Variants in RNF150 observed in about 807,000 individuals in gnomAD.
RNF150 encodes ring finger protein 150.
RNF150 carries 24 observed loss-of-function variants against 39.3 expected under a neutral mutation model. That is an observed-to-expected ratio of 0.61 (90% CI 0.44 to 0.86). The LOEUF (loss-of-function observed/expected upper bound fraction) is 0.86. Ranked by LOEUF, RNF150 falls within the 40% of genes least tolerant of loss-of-function variation. The probability of loss-of-function intolerance (pLI) is 0.00; values close to 1 mark genes in which losing one functional copy is unlikely to be tolerated. For missense variants in RNF150, 502 were observed against 587.8 expected (o/e 0.85, Z 1.51); for synonymous variants, 255 against 227.3 (o/e 1.12, Z -1.10).
At chr4:141,129,370 CATATT>C (rs1442698017) in intron 1 of RNF150, among the ~76,000 whole-genome samples, 1 of 152,130 alleles carries the variant, frequency 6.6e-6, no homozygotes, top group African/African-American at 2.4e-5. Flanking sequence ...CAGAAGTCCA[CATATT>C]ATATGATTCC....
chr4:141,053,166 A>C (rs760502737), intron 1 of RNF150, among the ~76,000 whole-genome samples: 15 of 152,230 alleles, frequency 9.9e-5, no homozygotes, highest in Non-Finnish European at 1.5e-4. Context: ...AGCACTTGGC[A>C]TCTCTCCATT....
chr4:141,080,591 T>A (rs59849151), intron 1 of RNF150, among the ~76,000 whole-genome samples: 2 of 152,182 alleles, frequency 1.3e-5, no homozygotes, highest in Non-Finnish European at 2.9e-5. Context: ...TCCATTCCTG[T>A]GAAAAATCAA....
intron 1 of RNF150, among the ~76,000 whole-genome samples, chr4:141,054,953 T>G (rs1398669559): frequency 6.6e-6 from 1 of 152,180 alleles, no homozygotes; most frequent in Non-Finnish European, 1.5e-5. Context: ...GGCAGCATTT[T>G]GTAAAATGCC....
chr4:141,034,263 GC>G (rs1395213596), intron 1 of RNF150, among the ~76,000 whole-genome samples: 1 of 152,084 alleles, frequency 6.6e-6, no homozygotes, highest in African/African-American at 2.4e-5. Context: ...TCATGAACTA[GC>G]CTCTGCTAGC....
intron 1 of RNF150, among the ~76,000 whole-genome samples, chr4:141,171,201 C>G (rs960981388): frequency 2.0e-5 from 3 of 152,130 alleles, no homozygotes; most frequent in South Asian, 4.1e-4. Flanking sequence ...TACCTTTCCT[C>G]GCCAGCCCAC....
intron 6 of RNF150, among the ~76,000 whole-genome samples, chr4:140,888,949 T>C (rs12640427): frequency 7.8e-4 from 119 of 152,252 alleles, no homozygotes; most frequent in African/African-American, 2.7e-3. Flanking sequence ...ACGAAGGAGA[T>C]AGATAAGAAA....
intron 1 of RNF150, among the ~76,000 whole-genome samples, chr4:141,043,542 G>A (rs1736450552): frequency 6.6e-6 from 1 of 152,072 alleles, no homozygotes; most frequent in Non-Finnish European, 1.5e-5. Flanking sequence ...TCTATATAGG[G>A]AGACTAAAAA....
intron 1 of RNF150, among the ~76,000 whole-genome samples, chr4:141,125,676 C>T (rs1422402588): frequency 6.6e-6 from 1 of 152,164 alleles, no homozygotes; most frequent in Non-Finnish European, 1.5e-5. Context: ...AAATTAACTT[C>T]ATATCAGAGG....
At chr4:141,062,268 ATGTC>A (rs1287310622) in intron 1 of RNF150, among the ~76,000 whole-genome samples, 3 of 152,010 alleles carry the variant, frequency 2.0e-5, no homozygotes, top group African/African-American at 7.3e-5. Context: ...TCTTTGTTTT[ATGTC>A]TGTATTATAC....
intron 1 of RNF150, among the ~76,000 whole-genome samples, chr4:141,177,054 GAAAAAAAA>G (rs5862514): frequency 1.8e-5 from 2 of 111,700 alleles, no homozygotes; most frequent in Non-Finnish European, 3.6e-5. Context: ...TGTCTCCTAG[GAAAAAAAA>G]AAAAAAAAAA....
intron 1 of RNF150, among the ~76,000 whole-genome samples, chr4:141,003,173 A>G (rs1734730619): frequency 1.3e-5 from 2 of 152,136 alleles, no homozygotes; most frequent in African/African-American, 4.8e-5. Flanking sequence ...TGAATAAAGA[A>G]TTGAATTTTA....
At chr4:140,885,435 C>CTTT (rs1309319458) in intron 6 of RNF150, among the ~76,000 whole-genome samples, 3 of 114,366 alleles carry the variant, frequency 2.6e-5, no homozygotes, top group East Asian at 2.4e-4. Flanking sequence ...GTACATATAT[C>CTTT]TTTTTTTTTT....
At chr4:140,873,193 A>G (rs975354168) in intron 6 of RNF150, among the ~76,000 whole-genome samples, 3 of 152,212 alleles carry the variant, frequency 2.0e-5, no homozygotes, top group African/African-American at 7.2e-5. Context: ...TCTTCGAAAA[A>G]GGAAGATACG....
chr4:140,974,391 C>G (rs1231147579), intron 1 of RNF150, among the ~76,000 whole-genome samples: 2 of 152,178 alleles, frequency 1.3e-5, no homozygotes, highest in Non-Finnish European at 2.9e-5. Flanking sequence ...TGGTACACCA[C>G]AGTTTAATTA....
chr4:141,182,712 T>C (rs1199667163), intron 1 of RNF150, among the ~76,000 whole-genome samples: 1 of 70,084 alleles, frequency 1.4e-5, no homozygotes, highest in Non-Finnish European at 2.8e-5. Context: ...CATTCCATGC[T>C]CATGGGTAGG....
At chr4:140,961,390 G>A (rs1412449666) in intron 2 of RNF150, among the ~76,000 whole-genome samples, 1 of 152,084 alleles carries the variant, frequency 6.6e-6, no homozygotes, top group Non-Finnish European at 1.5e-5. Flanking sequence ...CTAATTCAAG[G>A]TCAGTCTCTC....
intron 1 of RNF150, among the ~76,000 whole-genome samples, chr4:141,015,580 C>T (rs966484993): frequency 3.3e-5 from 5 of 151,958 alleles, no homozygotes; most frequent in African/African-American, 9.7e-5. Flanking sequence ...AGAAATGATG[C>T]TGATTTTTGG....
At chr4:141,161,312 C>A (rs955438598) in intron 1 of RNF150, among the ~76,000 whole-genome samples, 1 of 152,260 alleles carries the variant, frequency 6.6e-6, no homozygotes, top group African/African-American at 2.4e-5. Context: ...GGGTATATGG[C>A]AGAAAAAGTT....
chr4:141,165,296 AG>A (rs1727581936), intron 1 of RNF150, among the ~76,000 whole-genome samples: 1 of 152,194 alleles, frequency 6.6e-6, no homozygotes, highest in Admixed American at 6.5e-5. Context: ...AGATTCATAA[AG>A]CAAATTCTTA....
Sources: gnomAD v4.1 joint callset for allele counts (sites outside exome capture counted in the v4.1 genomes callset) on GRCh38, gnomAD v4.1.1 for gene constraint, MANE v1.5 for transcripts, NCBI Gene and HGNC (gene_info 2026-07-23, HGNC 2026-07-21) for gene names.